The following UNC119B variants were observed in gnomAD, a reference collection of about 807,000 sequenced individuals.
The protein encoded by UNC119B is protein unc-119 homolog B.
Under a neutral mutation model 23.4 loss-of-function variants are expected in UNC119B, and 16 were observed. The ratio of observed to expected loss-of-function variants is 0.68; its 90% CI spans 0.46 to 1.04. The LOEUF is 1.04. Among genes scored for constraint, UNC119B ranks in the 50% least tolerant of loss-of-function variants. UNC119B has a pLI of 0.00. For missense variants in UNC119B, 350 were observed against 361.3 expected, an observed-to-expected ratio of 0.97 and a Z score of 0.25; for synonymous variants, 144 against 145.4, an observed-to-expected ratio of 0.99 and a Z score of 0.07.
At chr12:120,719,786 C>T (rs1361108046) in intron 4 of UNC119B, 134 bp from the exon 5 acceptor site, 10 of 643,760 alleles carry the variant, frequency 1.6e-5, no homozygotes, top group East Asian at 5.5e-5. Context: ...CTGACCTCAT[C>T]GTTATTCTGG....
chr12:120,719,736 C>CT (rs759733835), intron 4 of UNC119B, among the ~76,000 whole-genome samples, 184 bp from the exon 5 acceptor site: 11 of 152,094 alleles, frequency 7.2e-5, no homozygotes, highest in Non-Finnish European at 1.6e-4. Context: ...TGGGGGGCCT[C>CT]TGTGGTCTCC....
At chr12:120,712,258 G>A (rs993305334) in intron 1 of UNC119B, among the ~76,000 whole-genome samples, 1 of 152,182 alleles carries the variant, frequency 6.6e-6, no homozygotes, top group Non-Finnish European at 1.5e-5. Flanking sequence ...GATTATTTGA[G>A]TACCCTCTAA....
At chr12:120,710,849 G>T in intron 1 of UNC119B, 131 bp downstream of exon 1, 1 of 908,214 alleles carries the variant, frequency 1.1e-6, no homozygotes, top group Non-Finnish European at 1.4e-6. Flanking sequence ...CGCGCTTCCC[G>T]CTGCCCCGCC....
Position 120,716,970 on chromosome 12 carries a change from GGCTT to G in UNC119B, c.572_575del (p.Gly191AlafsTer26). On this transcript the variant is annotated frameshift_variant, in exon 4 of 5. Coordinates refer to ENST00000344651, the MANE Select transcript of UNC119B (RefSeq NM_001080533.3). LOFTEE classifies it high-confidence loss of function. The stretch of plus-strand genomic sequence containing the variant: ...GCTGAAAAACTTTGACTTTGATTTT[GGCTT>G]CTGCATCCCCAGCAGTAGGAACACT... The G allele has an allele frequency of 6.2e-7, 1 of 1,613,708 alleles. No homozygotes were observed. The highest frequency in any genetic ancestry group is 8.5e-7 in the Non-Finnish European group (1 of 1,179,816).
At chr12:120,713,878 G>T (rs1161954086) in intron 2 of UNC119B, among the ~76,000 whole-genome samples, 1 of 152,168 alleles carries the variant, frequency 6.6e-6, no homozygotes, top group African/African-American at 2.4e-5. Context: ...CCATCTTCTT[G>T]CTCTCTTTTA....
In UNC119B at chr12:120,710,639, A is replaced by T; in HGVS notation, c.165A>T (p.Ala55=). ...ACGCGGCCGACGACGGCGTCGGGGC[A>T]GCGGTCACGGAGCAGGAGCTGCTGG... ...PHHAADDGVG[A]AVTEQELLAL... is the part of the protein sequence containing the mutation. Residue 55 remains alanine, a synonymous_variant, in exon 1 of 5, where the codon GCA becomes GCT. Transcript: ENST00000344651. 4 of 1,447,494 alleles carry T rather than the reference A, an allele frequency of 2.8e-6. No homozygotes were observed. The highest frequency in any genetic ancestry group is 3.6e-6 in the Non-Finnish European group (4 of 1,104,512). 89.7% of individuals were successfully genotyped at this position (1,447,494 alleles called of 1,614,324 possible). A position where few individuals can be genotyped will look rare whatever the true frequency, so the allele number is the denominator to read the frequency against.
chr12:120,715,337 G>T (rs1436803203), intron 2 of UNC119B, among the ~76,000 whole-genome samples: 1 of 152,110 alleles, frequency 6.6e-6, no homozygotes, highest in Non-Finnish European at 1.5e-5. Flanking sequence ...AGTCTCTGGG[G>T]GTGAACCCCT....
Position 120,721,541 on chromosome 12 carries a change from GTCCA to G in UNC119B, c.*1514_*1517del, listed in dbSNP as rs1882902146. Reference sequence around the variant, plus strand: ...ACAGTGTGTGGCCACAGAAATTCCTGTCCATCCACCACCAGTGCTGCTCCCTGTG... The same window carrying G: ...ACAGTGTGTGGCCACAGAAATTCCTGTCCACCACCAGTGCTGCTCCCTGTG... On this transcript the variant is annotated 3_prime_UTR_variant, in exon 5 of 5. Coordinates refer to ENST00000344651, the MANE Select transcript of UNC119B (RefSeq NM_001080533.3). The G allele has an allele frequency of 6.6e-6, 1 of 152,528 alleles. No homozygotes were observed. The highest frequency in any genetic ancestry group is 6.5e-5 in the Admixed American group (1 of 15,286). The allele number at this position is 152,528 out of a possible 1,614,324, so 9.4% of individuals were successfully genotyped here. A position where few individuals can be genotyped will look rare whatever the true frequency, so the allele number is the denominator to read the frequency against.
intron 1 of UNC119B, among the ~76,000 whole-genome samples, chr12:120,712,421 G>A (rs541217015): frequency 6.6e-6 from 1 of 152,334 alleles, no homozygotes; most frequent in East Asian, 1.9e-4. Flanking sequence ...TGGAGAAGAT[G>A]CTATCCGGAA....
chr12:120,711,181 C>G (rs923580752), intron 1 of UNC119B: 3 of 153,412 alleles, frequency 2.0e-5, no homozygotes, highest in Non-Finnish European at 2.9e-5. Flanking sequence ...CGCCCTGGCC[C>G]CATGGCAGCC....
chr12:120,713,451 CTT>C (rs1882710658), intron 2 of UNC119B, 64 bp downstream of exon 2: 3 of 1,223,886 alleles, frequency 2.5e-6, no homozygotes, highest in African/African-American at 3.0e-5. Context: ...AAACTCAAAT[CTT>C]TGTGTGCCAC....
chr12:120,722,578 A>G lies in UNC119B; in HGVS notation c.*2546A>G, dbSNP rs971378958. The G allele has an allele frequency of 3.9e-5, 6 of 152,254 alleles. No homozygotes were observed. The highest frequency in any genetic ancestry group is 1.2e-4 in the African/African-American group (5 of 41,462). 9.4% of individuals were successfully genotyped at this position (152,254 alleles called of 1,614,324 possible). A position where few individuals can be genotyped will look rare whatever the true frequency, so the allele number is the denominator to read the frequency against. On this transcript the variant is annotated 3_prime_UTR_variant, in exon 5 of 5. Coordinates refer to ENST00000344651, the MANE Select transcript of UNC119B (RefSeq NM_001080533.3). ...GAGGCGGCAAAAAAACTACCTGCAT[A>G]GGAGACCCTGCCCTTTGTCAAGAGC... is the stretch of plus-strand genomic sequence containing the variant.
At chr12:120,716,582 T>G in intron 2 of UNC119B, 46 bp from the exon 3 acceptor site, 102 of 1,595,260 alleles carry the variant, frequency 6.4e-5, no homozygotes, top group Non-Finnish European at 8.0e-5. Flanking sequence ...ACTCTTGGAT[T>G]GAGAATGTCG....
intron 2 of UNC119B, among the ~76,000 whole-genome samples, chr12:120,715,813 A>G (rs1191631936): frequency 6.6e-6 from 1 of 152,146 alleles, no homozygotes. Flanking sequence ...GATTACAGGC[A>G]TGAGCCACCG....
chr12:120,714,013 C>T (rs1882720610), intron 2 of UNC119B, among the ~76,000 whole-genome samples: 2 of 152,216 alleles, frequency 1.3e-5, no homozygotes, highest in African/African-American at 4.8e-5. Context: ...GCTTCCTGTG[C>T]TTGTGATAAA....
intron 4 of UNC119B, among the ~76,000 whole-genome samples, chr12:120,718,167 C>T (rs192573452): frequency 3.1e-4 from 47 of 152,086 alleles, no homozygotes; most frequent in Non-Finnish European, 4.9e-4. Flanking sequence ...TGCGCCCGGC[C>T]GGTCTGAAGG....
At chr12:120,714,157 C>T (rs984522081) in intron 2 of UNC119B, among the ~76,000 whole-genome samples, 1 of 152,166 alleles carries the variant, frequency 6.6e-6, no homozygotes, top group Non-Finnish European at 1.5e-5. Flanking sequence ...ACTTACTTTG[C>T]AGTGTTTCTC....
chr12:120,715,493 T>TTCACATTA (rs1882760031), intron 2 of UNC119B, among the ~76,000 whole-genome samples: 1 of 151,192 alleles, frequency 6.6e-6, no homozygotes, highest in African/African-American at 2.4e-5. Flanking sequence ...CTAACTCCTA[T>TTCACATTA]TCACATTAGA....
At position 120,720,380 on chromosome 12, in the gene UNC119B, A is replaced by C; in HGVS notation, c.*348A>C. On this transcript the variant is annotated 3_prime_UTR_variant, in exon 5 of 5. Coordinates refer to ENST00000344651, the MANE Select transcript of UNC119B (RefSeq NM_001080533.3). The stretch of plus-strand genomic sequence containing the variant: ...CCAGGCATAGCTGTGCCTGGTGAGA[A>C]GGCTCTGGCCAGGCCCACCAGCAGG... 1 of 203,134 alleles carries C rather than the reference A, an allele frequency of 4.9e-6. No homozygotes were observed. Among genetic ancestry groups the C allele is most frequent in the Non-Finnish European group, 9.9e-6 (1 of 100,914 alleles). 12.6% of individuals were successfully genotyped at this position (203,134 alleles called of 1,614,324 possible).
Sources: gnomAD v4.1 joint callset for allele counts (sites outside exome capture counted in the v4.1 genomes callset) on GRCh38, gnomAD v4.1.1 for gene constraint, MANE v1.5 for transcripts, NCBI Gene and HGNC (gene_info 2026-07-23, HGNC 2026-07-21) for gene names.